Variants in XKR9 observed in about 807,000 individuals in gnomAD.
XKR9 encodes XK-related protein 9.
A neutral mutation model predicts 32.0 loss-of-function variants in XKR9; 32 were observed. The ratio of observed to expected loss-of-function variants is 1.00; its 90% confidence interval spans 0.76 to 1.34. XKR9 has a LOEUF of 1.34. Ranked by LOEUF, XKR9 falls within the 40% of genes most tolerant of loss-of-function variation. XKR9 has a pLI of 0.00. For missense variants in XKR9, 546 were observed against 429.7 expected (o/e 1.27, Z -2.39); for synonymous variants, 168 against 143.4 (o/e 1.17, Z -1.22).
chr8:71,049,067 AT>A, the XKR9 span, among the ~76,000 whole-genome samples: 1 of 152,184 alleles, frequency 6.6e-6, no homozygotes, highest in Non-Finnish European at 1.5e-5. Context: ...CATACAAGAA[AT>A]ATTGAGTTAT....
At chr8:70,868,817 T>G in the XKR9 span, among the ~76,000 whole-genome samples, 1 of 152,226 alleles carries the variant, frequency 6.6e-6, no homozygotes, top group African/African-American at 2.4e-5. Context: ...TTTTCTGAAC[T>G]TTTATTCTCT....
At position 70,687,360 on chromosome 8, in the gene XKR9, C is replaced by CTT. The variant is rs1819330670; in HGVS notation, c.272+6031_272+6032insTT. On this transcript the variant is annotated intron_variant, in intron 3 of 4. Coordinates refer to ENST00000408926, the MANE Select transcript of XKR9 (RefSeq NM_001011720.2). ...TTTCTTTCTTTCTTTCTTTCTTTCTCTCTTTCCTTTCTTTCTCTTTCTTTC... is the reference window on the plus strand; with the variant it reads ...TTTCTTTCTTTCTTTCTTTCTTTCTCTTTCTTTCCTTTCTTTCTCTTTCTTTC... Among the ~76,000 whole-genome samples, 74 of 44,936 alleles carry CTT rather than the reference C, an allele frequency of 1.6e-3. 1 individual carries two copies. The highest frequency in any genetic ancestry group is 7.6e-4 in the Admixed American group (3 of 3,940). 29.5% of individuals were successfully genotyped at this position (44,936 alleles called of 152,430 possible).
downstream of XKR9, among the ~76,000 whole-genome samples, chr8:70,791,827 C>A (rs953897479): frequency 6.6e-6 from 1 of 152,058 alleles, no homozygotes; most frequent in Non-Finnish European, 1.5e-5. Context: ...TAAAATTCAG[C>A]AACAATACCT....
At chr8:70,863,636 A>G in the XKR9 span, among the ~76,000 whole-genome samples, 2 of 152,210 alleles carry the variant, frequency 1.3e-5, no homozygotes, top group Non-Finnish European at 2.9e-5. Context: ...ATCACTTTCA[A>G]TGTAAATTGA....
At chr8:70,958,148 G>A in the XKR9 span, among the ~76,000 whole-genome samples, 13 of 152,266 alleles carry the variant, frequency 8.5e-5, no homozygotes, top group East Asian at 1.9e-3. Flanking sequence ...TGTGAATAGC[G>A]TTGCAATGAA....
chr8:70,985,223 A>G, the XKR9 span, among the ~76,000 whole-genome samples: 2 of 152,142 alleles, frequency 1.3e-5, no homozygotes, highest in Non-Finnish European at 2.9e-5. Flanking sequence ...ATGTATTCTC[A>G]TTGTTTAGCT....
At chr8:70,830,872 T>C in the XKR9 span, among the ~76,000 whole-genome samples, 3 of 152,312 alleles carry the variant, frequency 2.0e-5, no homozygotes, top group African/African-American at 7.2e-5. Context: ...GTTATACAAC[T>C]AGTAAATGAC....
chr8:71,020,973 A>G, the XKR9 span, among the ~76,000 whole-genome samples: 4 of 152,152 alleles, frequency 2.6e-5, no homozygotes, highest in African/African-American at 9.7e-5. Context: ...ACAGTTGTTC[A>G]GGCTATACAA....
At chr8:70,944,209 A>C in the XKR9 span, among the ~76,000 whole-genome samples, 1 of 152,094 alleles carries the variant, frequency 6.6e-6, no homozygotes, top group African/African-American at 2.4e-5. Flanking sequence ...TTGAGGAGGG[A>C]GCTATTTTGT....
intron 3 of XKR9, among the ~76,000 whole-genome samples, chr8:70,688,401 C>G (rs776663761): frequency 6.6e-6 from 1 of 151,934 alleles, no homozygotes; most frequent in Non-Finnish European, 1.5e-5. Context: ...CTCTGTATGG[C>G]ATATGAATAC....
chr8:70,963,734 T>A, the XKR9 span, among the ~76,000 whole-genome samples: 3 of 152,258 alleles, frequency 2.0e-5, no homozygotes, highest in Non-Finnish European at 2.9e-5. Context: ...TTGAGCTTTT[T>A]AAAATATATT....
the XKR9 span, among the ~76,000 whole-genome samples, chr8:70,852,474 C>T: frequency 3.8e-4 from 57 of 151,832 alleles, no homozygotes; most frequent in Non-Finnish European, 5.5e-4. Flanking sequence ...AATCATTCTA[C>T]TATATAAAGG....
At chr8:70,763,285 G>T (rs561950884) in intron 2 of XKR9, among the ~76,000 whole-genome samples, 1 of 152,162 alleles carries the variant, frequency 6.6e-6, no homozygotes, top group Non-Finnish European at 1.5e-5. Flanking sequence ...AAAAAATATC[G>T]TGAGGCAGTG....
At chr8:70,981,423 G>C in the XKR9 span, among the ~76,000 whole-genome samples, 1 of 151,994 alleles carries the variant, frequency 6.6e-6, no homozygotes, top group African/African-American at 2.4e-5. Flanking sequence ...TGCTTGTTCA[G>C]TTCGATTGCT....
chr8:71,027,689 C>T, the XKR9 span, among the ~76,000 whole-genome samples: 1 of 150,312 alleles, frequency 6.7e-6, no homozygotes, highest in Non-Finnish European at 1.5e-5. Flanking sequence ...TCCTTTTGTT[C>T]AAAATTGTTT....
chr8:71,020,302 TG>T, the XKR9 span, among the ~76,000 whole-genome samples: 3 of 152,224 alleles, frequency 2.0e-5, no homozygotes, highest in Non-Finnish European at 2.9e-5. Context: ...TAGGTCATTC[TG>T]TATTAGAAAA....
the XKR9 span, among the ~76,000 whole-genome samples, chr8:70,973,513 G>C: frequency 6.6e-6 from 1 of 151,998 alleles, no homozygotes; most frequent in Non-Finnish European, 1.5e-5. Context: ...GGTTTAGATT[G>C]TTCTTGTTTC....
the XKR9 span, among the ~76,000 whole-genome samples, chr8:71,034,227 T>C: frequency 6.6e-6 from 1 of 152,014 alleles, no homozygotes; most frequent in African/African-American, 2.4e-5. Flanking sequence ...ATCATGGGGG[T>C]GGTCCCCCCA....
At chr8:70,901,535 A>C in the XKR9 span, among the ~76,000 whole-genome samples, 1 of 152,086 alleles carries the variant, frequency 6.6e-6, no homozygotes, top group African/African-American at 2.4e-5. Flanking sequence ...AATTTGTTGA[A>C]GTTCTTTGTA....
Sources: gnomAD v4.1 joint callset for allele counts (sites outside exome capture counted in the v4.1 genomes callset) on GRCh38, gnomAD v4.1.1 for gene constraint, MANE v1.5 for transcripts, NCBI Gene and HGNC (gene_info 2026-07-23, HGNC 2026-07-21) for gene names.